MAP3K4: variants seen among roughly 807,000 people sequenced by gnomAD.
MAP3K4 encodes mitogen-activated protein kinase kinase kinase 4, also known as MAP three kinase 1.
MAP3K4 carries 67 observed loss-of-function variants against 185.6 expected under a neutral mutation model. That is an observed-to-expected ratio of 0.36 (90% CI 0.30 to 0.44). MAP3K4 has a LOEUF of 0.44. MAP3K4 is among the 20% of genes least tolerant of loss of function. The pLI is 1.00. For synonymous variants in MAP3K4, 702 were observed against 710.4 expected, an observed-to-expected ratio of 0.99 and a Z score of 0.19; for missense variants, 1,551 against 1,995.1, an observed-to-expected ratio of 0.78 and a Z score of 4.24.
chr6:161,116,737 C>T lies in MAP3K4; in HGVS notation c.4807-113C>T. 1.1e-6 allele frequency: 1 copy of T among 877,570 alleles called. No individual in the cohort carries two copies. The highest frequency in any genetic ancestry group is 1.9e-6 in the Non-Finnish European group (1 of 527,066). The allele number at this position is 877,570 out of a possible 1,614,324, so 54.4% of individuals were successfully genotyped here. On this transcript the variant is annotated intron_variant, in intron 26 of 26. Coordinates refer to ENST00000392142, the MANE Select transcript of MAP3K4 (RefSeq NM_005922.4). The surrounding 1 kb of genome is among the most constrained non-coding windows in gnomAD (Gnocchi z 6.2). ...CTTGCCCTCTGTGCCCAGTACAGTG[C>T]TGGGAGCATCAGGATGAGTGGATGG...
In MAP3K4 at chr6:161,034,057, C is replaced by T. The variant is rs1186137389; in HGVS notation, c.153-202C>T. Among the ~76,000 whole-genome samples, 2 of 152,096 alleles carry T rather than the reference C, an allele frequency of 1.3e-5. No individual in the cohort carries two copies. Among genetic ancestry groups the T allele is most frequent in the Non-Finnish European group, 2.9e-5 (2 of 68,026 alleles). ...TACTCCTTGTTCATGGTAGGAGAAGCGGCAGTCACAATTATTACTCTCTTC... is the reference window on the plus strand; with the variant it reads ...TACTCCTTGTTCATGGTAGGAGAAGTGGCAGTCACAATTATTACTCTCTTC... On this transcript the variant is annotated intron_variant, in intron 1 of 26. Coordinates refer to ENST00000392142, the MANE Select transcript of MAP3K4 (RefSeq NM_005922.4). This position sits in a 1 kb window ranked among gnomAD's most constrained non-coding sequence, Gnocchi z 4.4.
At chr6:161,029,149 A>C (rs1782804192) in intron 1 of MAP3K4, among the ~76,000 whole-genome samples, 1 of 152,140 alleles carries the variant, frequency 6.6e-6, no homozygotes, top group South Asian at 2.1e-4. Context: ...TGGATGAGAG[A>C]ACTTCATACA....
chr6:161,091,308 C>T lies in MAP3K4; in HGVS notation c.2974-71C>T. On this transcript the variant is annotated intron_variant, in intron 11 of 26. Coordinates refer to ENST00000392142, the MANE Select transcript of MAP3K4 (RefSeq NM_005922.4). This position sits in a 1 kb window ranked among gnomAD's most constrained non-coding sequence, Gnocchi z 5.5. ...ATGTCTGTGTGATGATGAACGAAAT[C>T]TTCCTTTAAAATGTGGTAAGTATTG... is the stretch of plus-strand genomic sequence containing the variant. The T allele has an allele frequency of 1.5e-6, 2 of 1,316,342 alleles. No homozygotes were observed. The highest frequency in any genetic ancestry group is 2.1e-6 in the Non-Finnish European group (2 of 963,922). 81.5% of individuals were successfully genotyped at this position (1,316,342 alleles called of 1,614,324 possible). A position where few individuals can be genotyped will look rare whatever the true frequency, so the allele number is the denominator to read the frequency against.
intron 1 of MAP3K4, among the ~76,000 whole-genome samples, chr6:161,000,833 A>G (rs1225723637): frequency 6.9e-6 from 1 of 144,518 alleles, no homozygotes; most frequent in Non-Finnish European, 1.5e-5. Context: ...GTATGCACAC[A>G]TACACATGTG....
intron 1 of MAP3K4, among the ~76,000 whole-genome samples, chr6:161,013,398 A>T (rs1781937777): frequency 1.3e-5 from 2 of 152,148 alleles, no homozygotes; most frequent in Non-Finnish European, 2.9e-5. Context: ...GCTTAGGTAA[A>T]TTTTTTGTAC....
rs915337207 is a variant in MAP3K4, at chr6:161,101,789, G to C, written c.3675-103G>C. ...GAGGCAGAGTTGTTCCTGGCAGGCAGAGTTGCCCCCAGTTGAGAATTATTG... is the reference window on the plus strand; with the variant it reads ...GAGGCAGAGTTGTTCCTGGCAGGCACAGTTGCCCCCAGTTGAGAATTATTG... On this transcript the variant is annotated intron_variant, in intron 17 of 26. Coordinates refer to ENST00000392142, the MANE Select transcript of MAP3K4 (RefSeq NM_005922.4). This position sits in a 1 kb window ranked among gnomAD's most constrained non-coding sequence, Gnocchi z 5.1. 1 of 918,738 alleles carries C rather than the reference G, an allele frequency of 1.1e-6. No individual in the cohort carries two copies. Among genetic ancestry groups the C allele is most frequent in the Non-Finnish European group, 1.7e-6 (1 of 591,086 alleles). The allele number at this position is 918,738 out of a possible 1,614,324, so 56.9% of individuals were successfully genotyped here. A position where few individuals can be genotyped will look rare whatever the true frequency, so the allele number is the denominator to read the frequency against.
chr6:161,085,320 A>C (rs1034870895), intron 7 of MAP3K4, among the ~76,000 whole-genome samples: 3 of 152,166 alleles, frequency 2.0e-5, no homozygotes, highest in African/African-American at 4.8e-5. Context: ...TTCTTAGTGC[A>C]TTCCTTCTGT....
At chr6:161,010,922 A>G (rs1049529156) in intron 1 of MAP3K4, among the ~76,000 whole-genome samples, 2 of 152,184 alleles carry the variant, frequency 1.3e-5, no homozygotes, top group African/African-American at 4.8e-5. Flanking sequence ...GAGTGTTAGA[A>G]GCGTGTGATC....
rs1785722019 is a variant in MAP3K4 at position 161,086,555 on chromosome 6, A to G, written c.2473-29A>G. ...TCTTATTTTTTTAATGCTAACCGTAAAGAAGTTTCTTTGTAACTGTGATCC... is the reference window on the plus strand; with the variant it reads ...TCTTATTTTTTTAATGCTAACCGTAGAGAAGTTTCTTTGTAACTGTGATCC... On this transcript the variant is annotated intron_variant, in intron 8 of 26. Transcript: ENST00000392142. The surrounding 1 kb of genome is among the most constrained non-coding windows in gnomAD (Gnocchi z 4.8). 6.2e-7 allele frequency: 1 copy of G among 1,608,222 alleles called. No individual in the cohort carries two copies.
rs1784470481 is a variant in MAP3K4, at chr6:161,061,125, T to A, written c.1708-9483T>A. Among the ~76,000 whole-genome samples, 1 of 152,228 alleles carries A rather than the reference T, an allele frequency of 6.6e-6. No individual in the cohort carries two copies. The highest frequency in any genetic ancestry group is 2.1e-4 in the South Asian group (1 of 4,832). ...GATAGTTCTGATTCAAATTCAGGAT[T>A]TGAGAATTTTGCTTAATCTCTTCTG... On this transcript the variant is annotated intron_variant, in intron 3 of 26. Coordinates refer to ENST00000392142, the MANE Select transcript of MAP3K4 (RefSeq NM_005922.4). This position sits in a 1 kb window ranked among gnomAD's most constrained non-coding sequence, Gnocchi z 4.2.
chr6:161,090,045 G>A (rs568107048), intron 11 of MAP3K4, among the ~76,000 whole-genome samples: 1 of 152,164 alleles, frequency 6.6e-6, no homozygotes, highest in South Asian at 2.1e-4. Flanking sequence ...CACTTTTCCA[G>A]GCCATCAGTT....
chr6:161,026,404 G>A (rs1352044350), intron 1 of MAP3K4, among the ~76,000 whole-genome samples: 1 of 152,032 alleles, frequency 6.6e-6, no homozygotes, highest in South Asian at 2.1e-4. Flanking sequence ...CAAAGTGCTG[G>A]GATTACAGGC....
chr6:161,039,279 C>CAAAAAAAAAAAA (rs3050259), intron 2 of MAP3K4, among the ~76,000 whole-genome samples: 46 of 71,808 alleles, frequency 6.4e-4, no homozygotes, highest in Non-Finnish European at 8.0e-4. Context: ...CGCAAAAATG[C>CAAAAAAAAAAAA]AAAAAAAAAA....
chr6:161,053,128 A>C lies in MAP3K4; in HGVS notation c.1707+3149A>C, dbSNP rs778765931. Among the ~76,000 whole-genome samples, 31 of 152,358 alleles carry C rather than the reference A, an allele frequency of 2.0e-4. No individual in the cohort carries two copies. The highest frequency in any genetic ancestry group is 5.2e-4 in the Admixed American group (8 of 15,310). ...TTGTATAGGAAGCATGGCAGGCAACATCAGCTTCTGGGGAGGCCTCAGGGA... is the reference window on the plus strand; with the variant it reads ...TTGTATAGGAAGCATGGCAGGCAACCTCAGCTTCTGGGGAGGCCTCAGGGA... On this transcript the variant is annotated intron_variant, in intron 3 of 26. Coordinates refer to ENST00000392142, the MANE Select transcript of MAP3K4 (RefSeq NM_005922.4). This position sits in a 1 kb window ranked among gnomAD's most constrained non-coding sequence, Gnocchi z 4.2.
rs1778385164 is a variant in MAP3K4, at chr6:161,112,217, ATTGT to A, written c.4519+262_4519+265del. Among the ~76,000 whole-genome samples the A allele has an allele frequency of 6.6e-6, 1 of 152,200 alleles. No individual in the cohort carries two copies. The highest frequency in any genetic ancestry group is 6.5e-5 in the Admixed American group (1 of 15,290). ...CCAGAACAACTCTTTTGTTGTTTGC[ATTGT>A]TTTTCTTAAAACTTAAAAAATGTAG... On this transcript the variant is annotated intron_variant, in intron 24 of 26. Transcript: ENST00000392142. The surrounding 1 kb of genome is among the most constrained non-coding windows in gnomAD (Gnocchi z 5.1).
chr6:161,035,893 A>G (rs1004766081), intron 2 of MAP3K4, among the ~76,000 whole-genome samples: 6 of 152,176 alleles, frequency 3.9e-5, no homozygotes, highest in African/African-American at 1.4e-4. Context: ...CATTTTATAG[A>G]TTGAGAAACT....
intron 2 of MAP3K4, among the ~76,000 whole-genome samples, chr6:161,042,569 A>G (rs1010431543): frequency 2.0e-5 from 3 of 152,216 alleles, no homozygotes; most frequent in African/African-American, 7.2e-5. Context: ...ACCAATTTAT[A>G]GCAATTAAGA....
Position 161,075,482 on chromosome 6 carries a change from AT to A in MAP3K4, c.2097+1871del, listed in dbSNP as rs1332912713. On this transcript the variant is annotated intron_variant, in intron 5 of 26. Coordinates refer to ENST00000392142, the MANE Select transcript of MAP3K4 (RefSeq NM_005922.4). This position sits in a 1 kb window ranked among gnomAD's most constrained non-coding sequence, Gnocchi z 4.3. ...ACTATATATTTCTTATGTCAAAAAA[AT>A]CTTTATCTTGAAAAGTTGTGGAAAA... Among the ~76,000 whole-genome samples, 1 of 152,228 alleles carries A rather than the reference AT, an allele frequency of 6.6e-6. No individual in the cohort carries two copies. The highest frequency in any genetic ancestry group is 1.9e-4 in the East Asian group (1 of 5,206).
rs941442225 is a variant in MAP3K4, at chr6:161,007,416, A to T, written c.152+15333A>T. Reference sequence around the variant, plus strand: ...GGCTAATTTTACAATATGCAAGGACATGGTGGTCCTTTGAGGTTAGCCATT... The same window carrying T: ...GGCTAATTTTACAATATGCAAGGACTTGGTGGTCCTTTGAGGTTAGCCATT... On this transcript the variant is annotated intron_variant, in intron 1 of 26. Coordinates refer to ENST00000392142, the MANE Select transcript of MAP3K4 (RefSeq NM_005922.4). This position sits in a 1 kb window ranked among gnomAD's most constrained non-coding sequence, Gnocchi z 4.5. 6.6e-6 allele frequency among the ~76,000 whole-genome samples: 1 copy of T among 152,106 alleles called. No individual in the cohort carries two copies. Among genetic ancestry groups the T allele is most frequent in the African/African-American group, 2.4e-5 (1 of 41,374 alleles).
Sources: gnomAD v4.1 joint callset for allele counts (sites outside exome capture counted in the v4.1 genomes callset) on GRCh38, gnomAD v4.1.1 for gene constraint, Gnocchi (gnomAD v3.1) non-coding constraint, MANE v1.5 for transcripts, NCBI Gene and HGNC (gene_info 2026-07-23, HGNC 2026-07-21) for gene names.